The following BMS1 variants were observed in gnomAD, a reference collection of about 807,000 sequenced individuals.
The protein encoded by BMS1 is ribosome biogenesis protein BMS1 homolog.
A neutral mutation model predicts 138.7 loss-of-function variants in BMS1; 53 were observed. The ratio of observed to expected loss-of-function variants is 0.38; its 90% CI spans 0.31 to 0.48. The LOEUF (loss-of-function observed/expected upper bound fraction) is 0.48. Ranked by LOEUF, BMS1 falls within the 20% of genes least tolerant of loss-of-function variation. The pLI is 0.97. For missense variants in BMS1, 1,360 were observed against 1,565.5 expected, an observed-to-expected ratio of 0.87 and a Z score of 2.22; for synonymous variants, 504 against 539.9, an observed-to-expected ratio of 0.93 and a Z score of 0.92.
chr10:42,797,335 CTG>C (rs1841721556), intron 10 of BMS1, 85 bp from the exon 11 acceptor site: 2 of 1,577,950 alleles, frequency 1.3e-6, no homozygotes, highest in Admixed American at 1.8e-5. Context: ...ATTTTGTTAA[CTG>C]TTGAAAAGCT....
At chr10:42,812,580 T>C (rs1413328767) in intron 13 of BMS1, among the ~76,000 whole-genome samples, 1 of 152,188 alleles carries the variant, frequency 6.6e-6, no homozygotes, top group East Asian at 1.9e-4. Context: ...TGCCCTAAAG[T>C]GTAGGAGATG....
Position 42,784,425 on chromosome 10 carries a change from A to G in BMS1, c.31A>G (p.Lys11Glu), listed in dbSNP as rs1282899830. 4 of 1,611,496 alleles carry G rather than the reference A, an allele frequency of 2.5e-6. No individual in the cohort carries two copies. Among genetic ancestry groups the G allele is most frequent in the Non-Finnish European group, 3.4e-6 (4 of 1,179,678 alleles). Residue 11 changes from lysine (K) to glutamate (E), a missense_variant, in exon 2 of 23, where the codon AAG (lysine) becomes GAG (glutamate). This residue lies in a region of BMS1 where 238 missense variants were observed against 311.1 expected (regional missense o/e 0.77). Coordinates refer to ENST00000374518, the MANE Select transcript of BMS1 (RefSeq NM_014753.4). MEAKDQKKHRKKNSGPKAAKK... is the reference protein window; with the variant it reads MEAKDQKKHREKNSGPKAAKK... ...GGCTAAGGACCAGAAGAAACACAGA[A>G]AGAAAAACAGTGGACCCAAAGCTGC... is the stretch of plus-strand genomic sequence containing the variant.
At chr10:42,804,184 C>T (rs982212475) in intron 13 of BMS1, among the ~76,000 whole-genome samples, 19 of 152,134 alleles carry the variant, frequency 1.2e-4, no homozygotes, top group Admixed American at 4.6e-4. Flanking sequence ...AGTAAAGCTG[C>T]TATGAATGTT....
Position 42,830,159 on chromosome 10 carries a change from A to G in BMS1, c.3457-102A>G, listed in dbSNP as rs1842760578. 2.9e-6 allele frequency: 4 copies of G among 1,362,166 alleles called. No individual in the cohort carries two copies. The Admixed American group carries it at 9.1e-5, about 31-fold the overall frequency. 84.4% of individuals were successfully genotyped at this position (1,362,166 alleles called of 1,614,324 possible). ...GGGCCGGCAGACTCTGGTGTTACTAATCTTGTGGAAAAGTCAACCCATTGA... is the reference window on the plus strand; with the variant it reads ...GGGCCGGCAGACTCTGGTGTTACTAGTCTTGTGGAAAAGTCAACCCATTGA... On this transcript the variant is annotated intron_variant, in intron 21 of 22. Coordinates refer to ENST00000374518, the MANE Select transcript of BMS1 (RefSeq NM_014753.4).
intron 21 of BMS1, among the ~76,000 whole-genome samples, chr10:42,825,028 AGG>A: frequency 6.6e-6 from 1 of 150,584 alleles, no homozygotes; most frequent in Non-Finnish European, 1.5e-5. Context: ...TTTTTTTTTG[AGG>A]CAAAGTCTCA....
chr10:42,826,914 G>A (rs1160199176), intron 21 of BMS1, among the ~76,000 whole-genome samples: 1 of 152,144 alleles, frequency 6.6e-6, no homozygotes, highest in East Asian at 1.9e-4. Flanking sequence ...GGAGGGGAGG[G>A]GCACGGCAGC....
chr10:42,826,304 G>A (rs1234857603), intron 21 of BMS1, among the ~76,000 whole-genome samples: 1 of 151,324 alleles, frequency 6.6e-6, no homozygotes. Flanking sequence ...AGGTATTAAG[G>A]TGATACTGGC....
At chr10:42,797,552 TG>T in intron 11 of BMS1, 29 bp downstream of exon 11, 1 of 1,594,008 alleles carries the variant, frequency 6.3e-7, no homozygotes, top group Non-Finnish European at 8.6e-7. Context: ...GAACTAGAAA[TG>T]TTTTAGTTTC....
At chr10:42,790,711 G>A (rs1410401849) in intron 5 of BMS1, among the ~76,000 whole-genome samples, 200 bp downstream of exon 5, 2 of 152,100 alleles carry the variant, frequency 1.3e-5, no homozygotes, top group Non-Finnish European at 2.9e-5. Context: ...TTAGTCCGGT[G>A]TGGTGGCGTG....
At chr10:42,793,748 C>T in intron 8 of BMS1, 104 bp from the exon 9 acceptor site, 2 of 1,352,320 alleles carry the variant, frequency 1.5e-6, no homozygotes, top group Non-Finnish European at 2.0e-6. Context: ...AAGAAAGGTT[C>T]TTAGGAAATG....
At chr10:42,825,773 T>C (rs978241981) in intron 21 of BMS1, among the ~76,000 whole-genome samples, 3 of 152,224 alleles carry the variant, frequency 2.0e-5, no homozygotes, top group African/African-American at 7.2e-5. Context: ...TGCCTTTTTT[T>C]TCTCATCTGA....
At chr10:42,793,170 T>C (rs754936444) in intron 8 of BMS1, 26 bp downstream of exon 8, 1 of 1,558,808 alleles carries the variant, frequency 6.4e-7, no homozygotes, top group African/African-American at 1.4e-5. Flanking sequence ...GAGTCATTTC[T>C]CTGAACTTTC....
chr10:42,826,571 C>T (rs890603312), intron 21 of BMS1, among the ~76,000 whole-genome samples: 35 of 152,298 alleles, frequency 2.3e-4, no homozygotes, highest in African/African-American at 8.4e-4. Context: ...CTACTTCTCT[C>T]CCTGGGGAGG....
chr10:42,830,821 G>T, intron 22 of BMS1, 45 bp from the exon 23 acceptor site: 1 of 1,519,690 alleles, frequency 6.6e-7, no homozygotes, highest in Admixed American at 1.9e-5. Flanking sequence ...CGAGTGTGTG[G>T]TGTCTGAGAG....
rs1841726929 is a variant in BMS1, at chr10:42,797,472, C to T, written c.2038C>T (p.Leu680=). Residue 680 remains leucine, a synonymous_variant, in exon 11 of 23, where the codon CTG becomes TTG. Coordinates refer to ENST00000374518, the MANE Select transcript of BMS1 (RefSeq NM_014753.4). ...DLSRKAAEAF[L]RQQQAAPNLR... ...TTCCAGAAAGGCAGCTGAGGCCTTT[C>T]TGAGGCAGCAGCAAGCAGCTCCAAA... 6.2e-7 allele frequency: 1 copy of T among 1,614,090 alleles called. No homozygotes were observed. Among genetic ancestry groups the T allele is most frequent in the Admixed American group, 1.7e-5 (1 of 60,010 alleles).
At position 42,796,748 on chromosome 10, in the gene BMS1, G is replaced by A; in HGVS notation, c.1504G>A (p.Ala502Thr). 3.1e-6 allele frequency: 5 copies of A among 1,614,234 alleles called. No individual in the cohort carries two copies. Among genetic ancestry groups the A allele is most frequent in the Non-Finnish European group, 3.4e-6 (4 of 1,180,036 alleles). Residue 502 changes from alanine (A) to threonine (T), a missense_variant, in exon 10 of 23, where the codon GCT (alanine) becomes ACT (threonine). This residue lies in a region of BMS1 where 697 missense variants were observed against 686.2 expected (regional missense o/e 1.02). Coordinates refer to ENST00000374518, the MANE Select transcript of BMS1 (RefSeq NM_014753.4). ...CAGTGAAATGGATTTGCCAGCATTT[G>A]CTGACAGTGACGATGACCTTGAGAG... ...EDSEMDLPAF[A>T]DSDDDLERSS...
In BMS1 at chr10:42,830,850, CT is replaced by C; in HGVS notation, c.3619-12del. On this transcript the variant is annotated splice_polypyrimidine_tract_variant and intron_variant, in intron 22 of 22. Transcript: ENST00000374518. The stretch of plus-strand genomic sequence containing the variant: ...CTGAGAGCATTCTGATACTCACCGG[CT>C]TTTGTCCTTGTCAGATCCTTGCACT... 6.3e-7 allele frequency: 1 copy of C among 1,598,720 alleles called. No homozygotes were observed. Among genetic ancestry groups the C allele is most frequent in the Non-Finnish European group, 8.5e-7 (1 of 1,171,966 alleles).
At chr10:42,828,559 G>A (rs1275102166) in intron 21 of BMS1, among the ~76,000 whole-genome samples, 1 of 152,140 alleles carries the variant, frequency 6.6e-6, no homozygotes, top group African/African-American at 2.4e-5. Flanking sequence ...ACCACCAGCA[G>A]CAGCTTAAAG....
chr10:42,802,573 A>G (rs1214272311), intron 13 of BMS1, among the ~76,000 whole-genome samples: 2 of 152,086 alleles, frequency 1.3e-5, no homozygotes, highest in East Asian at 1.9e-4. Context: ...TGAAAAGTAC[A>G]TAACATACCA....
Sources: gnomAD v4.1 joint callset for allele counts (sites outside exome capture counted in the v4.1 genomes callset) on GRCh38, gnomAD v4.1.1 for gene constraint, gnomAD v4.1.1 regional missense constraint, MANE v1.5 for transcripts, NCBI Gene and HGNC (gene_info 2026-07-23, HGNC 2026-07-21) for gene names.